Variants in GTF2I observed in about 807,000 individuals in gnomAD.
The protein encoded by GTF2I is general transcription factor II-I.
GTF2I carries 12 observed loss-of-function variants against 67.6 expected under a neutral mutation model. That is an observed-to-expected ratio of 0.18 (90% CI 0.11 to 0.29). The LOEUF (loss-of-function observed/expected upper bound fraction) is 0.29. Among genes scored for constraint, GTF2I ranks in the 10% least tolerant of loss-of-function variants. The pLI, the probability that GTF2I is intolerant of heterozygous loss-of-function variation, is 1.00. For synonymous variants in GTF2I, 149 were observed against 197.0 expected, an observed-to-expected ratio of 0.76 and a Z score of 2.04; for missense variants, 271 against 580.1, an observed-to-expected ratio of 0.47 and a Z score of 5.47.
intron 1 of GTF2I, among the ~76,000 whole-genome samples, chr7:74,688,737 G>A (rs782239170): frequency 2.6e-5 from 4 of 152,168 alleles, no homozygotes; most frequent in African/African-American, 7.2e-5. Flanking sequence ...CCACTCTTTT[G>A]TGTGTCAGGA....
intron 1 of GTF2I, among the ~76,000 whole-genome samples, chr7:74,685,814 C>T (rs892345064): frequency 6.6e-6 from 1 of 151,430 alleles, no homozygotes; most frequent in African/African-American, 2.4e-5. Context: ...CGCCGGTAAT[C>T]CGGCCGAGGC....
intron 8 of GTF2I, among the ~76,000 whole-genome samples, chr7:74,707,827 T>A (rs1378763366): frequency 6.6e-6 from 1 of 152,192 alleles, no homozygotes; most frequent in South Asian, 2.1e-4. Context: ...ATGTGTTTAA[T>A]TGAATTCTTT....
intron 1 of GTF2I, among the ~76,000 whole-genome samples, chr7:74,669,770 A>G (rs1166720599): frequency 1.3e-5 from 2 of 152,084 alleles, no homozygotes; most frequent in African/African-American, 4.8e-5. Context: ...TGACTTTGTG[A>G]TCCACTCACT....
At chr7:74,686,488 G>T (rs1447746174) in intron 1 of GTF2I, among the ~76,000 whole-genome samples, 1 of 152,188 alleles carries the variant, frequency 6.6e-6, no homozygotes, top group Non-Finnish European at 1.5e-5. Flanking sequence ...TGTAAAATGA[G>T]AACACATCTC....
At chr7:74,689,942 C>T (rs976388720) in intron 2 of GTF2I, among the ~76,000 whole-genome samples, 5 of 151,880 alleles carry the variant, frequency 3.3e-5, no homozygotes, top group Admixed American at 6.6e-5. Flanking sequence ...GTCTCGAACT[C>T]CCGACCTCAG....
intron 1 of GTF2I, among the ~76,000 whole-genome samples, chr7:74,669,026 C>G (rs181209346): frequency 1.3e-5 from 2 of 151,886 alleles, no homozygotes; most frequent in Non-Finnish European, 2.9e-5. Flanking sequence ...TAAGCCACCA[C>G]GCCCGGCCCA....
chr7:74,708,847 TACA>T (rs1199432410), intron 8 of GTF2I, among the ~76,000 whole-genome samples: 1 of 152,166 alleles, frequency 6.6e-6, no homozygotes, highest in Non-Finnish European at 1.5e-5. Flanking sequence ...TGACCTTCTG[TACA>T]ACAACGAGAC....
At chr7:74,710,272 CTG>C (rs1484178956) in intron 8 of GTF2I, among the ~76,000 whole-genome samples, 1 of 152,128 alleles carries the variant, frequency 6.6e-6, no homozygotes, top group East Asian at 1.9e-4. Flanking sequence ...GTTGGTATGA[CTG>C]TGGTTGAATA....
chr7:74,703,192 T>A (rs1038425054), intron 6 of GTF2I, among the ~76,000 whole-genome samples: 1 of 152,142 alleles, frequency 6.6e-6, no homozygotes, highest in Non-Finnish European at 1.5e-5. Context: ...AAAAAAATTT[T>A]TTTTTTCTTT....
At chr7:74,661,474 G>A (rs991005456) in intron 1 of GTF2I, among the ~76,000 whole-genome samples, 2 of 152,140 alleles carry the variant, frequency 1.3e-5, no homozygotes, top group Non-Finnish European at 2.9e-5. Context: ...GAAGTCAGGA[G>A]TTGGAGACCA....
intron 1 of GTF2I, among the ~76,000 whole-genome samples, chr7:74,680,688 G>C (rs1452838552): frequency 1.3e-5 from 2 of 152,188 alleles, no homozygotes; most frequent in African/African-American, 2.4e-5. Context: ...GCTTCAGTTA[G>C]CAGTGATGGT....
intron 2 of GTF2I, 95 bp from the exon 3 acceptor site, chr7:74,690,878 C>G: frequency 8.7e-7 from 1 of 1,145,902 alleles, no homozygotes; most frequent in South Asian, 1.4e-5. Context: ...AGAGAAGTAC[C>G]TTTAAAAAAT....
intron 1 of GTF2I, among the ~76,000 whole-genome samples, chr7:74,675,762 G>A (rs1169705446): frequency 6.6e-6 from 1 of 152,108 alleles, no homozygotes; most frequent in African/African-American, 2.4e-5. Flanking sequence ...TGTAATCCCA[G>A]CACTTGGGAG....
At chr7:74,691,196 CTTTCTTTCTTTCTT>C in intron 3 of GTF2I, 85 bp downstream of exon 3, 1 of 894,208 alleles carries the variant, frequency 1.1e-6, no homozygotes, top group African/African-American at 1.7e-5. Context: ...TATTTTCTTT[CTTTCTTTCTTTCTT>C]TTTTTTTTTT....
At chr7:74,722,976 A>ACTAC (rs1242903636) in intron 12 of GTF2I, among the ~76,000 whole-genome samples, 3 of 152,174 alleles carry the variant, frequency 2.0e-5, no homozygotes, top group Non-Finnish European at 4.4e-5. Context: ...GGGCAGTTGG[A>ACTAC]CTACCTACCA....
intron 28 of GTF2I, 120 bp downstream of exon 28, chr7:74,752,290 G>A (rs1795842401): frequency 4.0e-6 from 2 of 496,300 alleles, no homozygotes; most frequent in African/African-American, 3.7e-5. Context: ...ACGTTGCCTG[G>A]TGCTCCTCCC....
At chr7:74,706,593 A>C (rs966327494) in intron 8 of GTF2I, among the ~76,000 whole-genome samples, 160 bp downstream of exon 8, 2 of 152,246 alleles carry the variant, frequency 1.3e-5, no homozygotes, top group African/African-American at 2.4e-5. Context: ...ATGTTATCAC[A>C]TTAAGACCCA....
intron 3 of GTF2I, among the ~76,000 whole-genome samples, chr7:74,696,116 C>T (rs895303515): frequency 1.3e-5 from 2 of 151,642 alleles, no homozygotes; most frequent in Admixed American, 6.6e-5. Context: ...CTCAGCCTCC[C>T]GAGTAGCTGG....
At chr7:74,709,713 C>G (rs782011054) in intron 8 of GTF2I, among the ~76,000 whole-genome samples, 1 of 151,304 alleles carries the variant, frequency 6.6e-6, no homozygotes, top group Non-Finnish European at 1.5e-5. Context: ...TGCTGTGTCG[C>G]CCAGGCTGGA....
Sources: allele counts gnomAD v4.1 joint callset (sites outside exome capture counted in the v4.1 genomes callset), GRCh38; gene constraint gnomAD v4.1.1; transcripts MANE v1.5; gene names NCBI Gene and HGNC (gene_info 2026-07-23, HGNC 2026-07-21).